Variants in CCDC148 observed in about 807,000 individuals in gnomAD.
CCDC148 encodes the protein coiled-coil domain-containing protein 148.
CCDC148 carries 89 observed loss-of-function variants against 85.7 expected under a neutral mutation model. The observed-to-expected ratio is 1.04, with a 90% CI of 0.87 to 1.24. The LOEUF is 1.24. Ranked by LOEUF, CCDC148 falls within the 50% of genes most tolerant of loss-of-function variation. The pLI is 0.00. For synonymous variants in CCDC148, 230 were observed against 213.9 expected, an observed-to-expected ratio of 1.08 and a Z score of -0.66; for missense variants, 692 against 671.7, an observed-to-expected ratio of 1.03 and a Z score of -0.33.
chr2:158,367,981 GA>G (rs985950288), intron 1 of CCDC148, among the ~76,000 whole-genome samples: 65 of 152,036 alleles, frequency 4.3e-4, no homozygotes, highest in African/African-American at 1.5e-3. Flanking sequence ...TTGAGGCTCA[GA>G]AAAATGACCA....
At chr2:158,232,528 A>G (rs1264471301) in intron 10 of CCDC148, among the ~76,000 whole-genome samples, 1 of 152,156 alleles carries the variant, frequency 6.6e-6, no homozygotes, top group East Asian at 1.9e-4. Context: ...AGAATTTCTT[A>G]TTTACACATA....
chr2:158,205,032 A>G (rs1574397142), intron 11 of CCDC148, among the ~76,000 whole-genome samples: 2 of 152,156 alleles, frequency 1.3e-5, no homozygotes, highest in Non-Finnish European at 2.9e-5. Flanking sequence ...ACATTAAGGC[A>G]TCTGAACTTT....
chr2:158,220,705 T>A lies in CCDC148; in HGVS notation c.1260A>T (p.Lys420Asn). 1 of 1,572,858 alleles carries A rather than the reference T, an allele frequency of 6.4e-7. No individual in the cohort carries two copies. ...QRAEKKKKIK[K>N]YWAKKKQKWQ... The stretch of plus-strand genomic sequence containing the variant: ...ACTTCTGTTTTTTCTTGGCCCAGTA[T>A]TTTTTTATCTATTGTATAAATGTTA... The change falls in exon 11 of 14, where the codon AAA becomes AAT. Residue 420 changes from lysine to asparagine, a missense_variant. Transcript: ENST00000283233.
At chr2:158,430,515 T>C (rs1178021109) in intron 1 of CCDC148, among the ~76,000 whole-genome samples, 3 of 152,130 alleles carry the variant, frequency 2.0e-5, no homozygotes, top group East Asian at 3.8e-4. Context: ...GGTACAAATA[T>C]ACAATTAAAC....
intron 13 of CCDC148, among the ~76,000 whole-genome samples, chr2:158,175,131 C>T (rs1684513534): frequency 6.6e-6 from 1 of 152,000 alleles, no homozygotes; most frequent in African/African-American, 2.4e-5. Context: ...AAAGCCTTGC[C>T]CCACCCTCTT....
chr2:158,375,198 T>A (rs941889025), intron 1 of CCDC148, among the ~76,000 whole-genome samples: 2 of 151,970 alleles, frequency 1.3e-5, no homozygotes, highest in African/African-American at 4.8e-5. Flanking sequence ...ACCTGCCAAG[T>A]TTGGACCACT....
chr2:158,178,802 G>A, intron 12 of CCDC148, 77 bp downstream of exon 12: 1 of 985,880 alleles, frequency 1.0e-6, no homozygotes, highest in South Asian at 1.4e-5. Flanking sequence ...CTAAGCCCCA[G>A]TAAGAATGCT....
At chr2:158,225,052 G>A (rs1488009633) in intron 10 of CCDC148, among the ~76,000 whole-genome samples, 3 of 152,154 alleles carry the variant, frequency 2.0e-5, no homozygotes, top group African/African-American at 7.2e-5. Context: ...CTGTATTCAC[G>A]AAACCCATCT....
At chr2:158,294,351 T>G (rs1691068720) in intron 9 of CCDC148, among the ~76,000 whole-genome samples, 1 of 152,154 alleles carries the variant, frequency 6.6e-6, no homozygotes, top group Non-Finnish European at 1.5e-5. Flanking sequence ...TGGGCTGCTT[T>G]CAGTTTTAGC....
rs562822511 is a variant in CCDC148 at position 158,321,285 on chromosome 2, T to G, written c.765-7391A>C. ...CATGGTCCACACTATTACCCACTCC[T>G]TCCAAAAATATAAACCCCAACATCA... On this transcript the variant is annotated intron_variant, in intron 7 of 13. Transcript: ENST00000283233. Among the ~76,000 whole-genome samples the G allele has an allele frequency of 1.5e-4, 23 of 152,150 alleles. 1 individual carries two copies. The South Asian group carries it at 4.6e-3, about 30-fold the overall frequency.
chr2:158,204,677 T>C (rs1489742232), intron 11 of CCDC148, among the ~76,000 whole-genome samples: 1 of 151,972 alleles, frequency 6.6e-6, no homozygotes, highest in Non-Finnish European at 1.5e-5. Context: ...CTCCAGAAAT[T>C]ATGAAGCAGA....
At chr2:158,344,378 T>C (rs1271783747) in intron 3 of CCDC148, among the ~76,000 whole-genome samples, 1 of 152,092 alleles carries the variant, frequency 6.6e-6, no homozygotes, top group Non-Finnish European at 1.5e-5. Flanking sequence ...CCTGCCAGAA[T>C]AAGAAACTCA....
intron 9 of CCDC148, among the ~76,000 whole-genome samples, chr2:158,301,193 A>G (rs1163873574): frequency 2.0e-5 from 3 of 152,216 alleles, no homozygotes; most frequent in African/African-American, 7.2e-5. Context: ...TCTGCCTGCA[A>G]TTTAGAGAAA....
At chr2:158,322,161 T>G (rs954050932) in intron 7 of CCDC148, among the ~76,000 whole-genome samples, 1 of 152,186 alleles carries the variant, frequency 6.6e-6, no homozygotes, top group South Asian at 2.1e-4. Flanking sequence ...GAGTTCATCT[T>G]AAGGGAATAA....
chr2:158,294,976 C>T (rs1301560489), intron 9 of CCDC148, among the ~76,000 whole-genome samples: 1 of 152,010 alleles, frequency 6.6e-6, no homozygotes, highest in Admixed American at 6.6e-5. Context: ...ATACTAATAG[C>T]CCCCTGTGGT....
intron 1 of CCDC148, among the ~76,000 whole-genome samples, chr2:158,420,912 C>CA (rs901929477): frequency 0.011 from 1,581 of 141,590 alleles, 23 homozygotes; most frequent in African/African-American, 0.037. Context: ...AAATAGAAAA[C>CA]AAAAAAAAAA....
intron 1 of CCDC148, among the ~76,000 whole-genome samples, chr2:158,381,903 G>T (rs1438386571): frequency 6.6e-6 from 1 of 152,086 alleles, no homozygotes; most frequent in Non-Finnish European, 1.5e-5. Context: ...CTGAATGTTG[G>T]TGTTTCATGC....
chr2:158,214,158 T>C (rs1190280492), intron 11 of CCDC148, among the ~76,000 whole-genome samples: 1 of 151,000 alleles, frequency 6.6e-6, no homozygotes, highest in African/African-American at 2.4e-5. Context: ...AAAGATACAT[T>C]CTTATGTCTA....
intron 9 of CCDC148, among the ~76,000 whole-genome samples, chr2:158,297,317 A>G (rs2105195362): frequency 6.6e-6 from 1 of 152,326 alleles, no homozygotes; most frequent in African/African-American, 2.4e-5. Flanking sequence ...TCAGAGTACA[A>G]ATGAAAGTAA....
Sources: allele counts gnomAD v4.1 joint callset (sites outside exome capture counted in the v4.1 genomes callset), GRCh38; gene constraint gnomAD v4.1.1; transcripts MANE v1.5; gene names NCBI Gene and HGNC (gene_info 2026-07-23, HGNC 2026-07-21).